ATG5: variants seen among roughly 807,000 people sequenced by gnomAD.
The protein encoded by ATG5 is autophagy protein 5.
ATG5 carries 14 observed loss-of-function variants against 36.5 expected under a neutral mutation model. The observed-to-expected ratio is 0.38, with a 90% CI of 0.25 to 0.60. The LOEUF (loss-of-function observed/expected upper bound fraction) is 0.60. ATG5 is among the 20% of genes least tolerant of loss of function. ATG5 has a pLI of 0.60. For missense variants in ATG5, 195 were observed against 326.7 expected (o/e 0.60, Z 3.11); for synonymous variants, 95 against 101.5 (o/e 0.94, Z 0.38).
At chr6:106,265,153 C>G (rs1311496232) in intron 5 of ATG5, among the ~76,000 whole-genome samples, 3 of 122,492 alleles carry the variant, frequency 2.4e-5, no homozygotes, top group African/African-American at 6.4e-5. Flanking sequence ...GAATATTTAC[C>G]AAGCAAATGG....
chr6:106,243,466 T>A (rs1778203971), intron 6 of ATG5, among the ~76,000 whole-genome samples: 1 of 150,824 alleles, frequency 6.6e-6, no homozygotes, highest in Admixed American at 6.6e-5. Context: ...AGGCAGAGGC[T>A]GTAGTGAGCT....
intron 6 of ATG5, among the ~76,000 whole-genome samples, chr6:106,205,006 G>A (rs962064470): frequency 6.6e-6 from 1 of 152,196 alleles, no homozygotes; most frequent in South Asian, 2.1e-4. Flanking sequence ...GAACTGTAGT[G>A]ATAATTTAAA....
At chr6:106,251,167 C>T (rs1778561047) in intron 5 of ATG5, among the ~76,000 whole-genome samples, 1 of 152,246 alleles carries the variant, frequency 6.6e-6, no homozygotes, top group South Asian at 2.1e-4. Flanking sequence ...CTGTGGTTTC[C>T]CACCCAGCTG....
chr6:106,316,705 C>G (rs182237624), intron 1 of ATG5, among the ~76,000 whole-genome samples: 10 of 152,288 alleles, frequency 6.6e-5, no homozygotes, highest in African/African-American at 2.2e-4. Flanking sequence ...GATAGTTTCT[C>G]CTCTCTTCCT....
At chr6:106,230,352 G>A (rs965764794) in intron 6 of ATG5, among the ~76,000 whole-genome samples, 32 of 152,174 alleles carry the variant, frequency 2.1e-4, no homozygotes, top group Non-Finnish European at 3.4e-4. Flanking sequence ...CAGCTGGGTT[G>A]TTATGAAATA....
rs1467958087 is a variant in ATG5 at position 106,184,578 on chromosome 6, C to G, written c.*1962G>C. ...ATGAATTTCTGGTTTTACTCTTCCT[C>G]TAGGGCATTGTAGGCTTGACTTACC... On this transcript the variant is annotated 3_prime_UTR_variant, in exon 8 of 8. Coordinates refer to ENST00000369076, the MANE Select transcript of ATG5 (RefSeq NM_004849.4). 2.6e-5 allele frequency: 4 copies of G among 152,246 alleles called. No homozygotes were observed. Among genetic ancestry groups the G allele is most frequent in the Non-Finnish European group, 2.9e-5 (2 of 68,004 alleles). 9.4% of individuals were successfully genotyped at this position (152,246 alleles called of 1,614,324 possible). A position where few individuals can be genotyped will look rare whatever the true frequency, so the allele number is the denominator to read the frequency against.
intron 1 of ATG5, among the ~76,000 whole-genome samples, chr6:106,323,708 CCTA>C (rs1189383558): frequency 6.6e-6 from 1 of 152,118 alleles, no homozygotes; most frequent in African/African-American, 2.4e-5. Context: ...CAGTCAATGG[CCTA>C]CTAACAACTC....
At chr6:106,297,761 CACACATAT>C (rs1770022434) in intron 3 of ATG5, among the ~76,000 whole-genome samples, 2 of 114,062 alleles carry the variant, frequency 1.8e-5, no homozygotes, top group African/African-American at 6.4e-5. Context: ...CACACACACA[CACACATAT>C]ATATTTTAAA....
At position 106,325,529 on chromosome 6, in the gene ATG5, A is replaced by C. The variant is rs1771259392; in HGVS notation, c.-62T>G. On this transcript the variant is annotated 5_prime_UTR_variant, in exon 1 of 8. Coordinates refer to ENST00000369076, the MANE Select transcript of ATG5 (RefSeq NM_004849.4). ...CAAGGTGGACACACACACGTACCCTACTCCAAGCTATGGCTCCTCCTTCCG... is the reference window on the plus strand; with the variant it reads ...CAAGGTGGACACACACACGTACCCTCCTCCAAGCTATGGCTCCTCCTTCCG... 1 of 152,264 alleles carries C rather than the reference A, an allele frequency of 6.6e-6. No homozygotes were observed. Among genetic ancestry groups the C allele is most frequent in the African/African-American group, 2.4e-5 (1 of 41,282 alleles). The allele number at this position is 152,264 out of a possible 1,614,324, so 9.4% of individuals were successfully genotyped here.
intron 7 of ATG5, chr6:106,201,727 C>A: frequency 4.2e-6 from 1 of 237,978 alleles, no homozygotes. Context: ...ACCAGAGTAC[C>A]AGAGATATAC....
intron 7 of ATG5, among the ~76,000 whole-genome samples, chr6:106,200,716 G>A (rs1420693362): frequency 3.9e-5 from 6 of 152,008 alleles, no homozygotes; most frequent in South Asian, 2.1e-4. Flanking sequence ...TCCTGACCTC[G>A]TGATCCACCC....
intron 4 of ATG5, among the ~76,000 whole-genome samples, chr6:106,290,218 T>A (rs899076611): frequency 2.0e-5 from 3 of 147,470 alleles, no homozygotes; most frequent in Admixed American, 6.8e-5. Flanking sequence ...ATTTTATTTA[T>A]TTTATATATT....
intron 4 of ATG5, among the ~76,000 whole-genome samples, chr6:106,292,716 C>A (rs1431343818): frequency 3.3e-5 from 5 of 152,152 alleles, no homozygotes; most frequent in Admixed American, 3.3e-4. Context: ...ATCCTGGGCT[C>A]ACCTCGGCCT....
chr6:106,269,696 C>T (rs142809758), intron 5 of ATG5, among the ~76,000 whole-genome samples: 3,750 of 152,318 alleles, frequency 0.025, 65 homozygotes, highest in African/African-American at 0.049. Context: ...CCGGCTGCTC[C>T]GAGTGCGGGG....
At chr6:106,190,923 G>A (rs1047685719) in intron 7 of ATG5, among the ~76,000 whole-genome samples, 3 of 152,132 alleles carry the variant, frequency 2.0e-5, no homozygotes, top group African/African-American at 7.2e-5. Context: ...AGGAGAGAGG[G>A]CCAATTATGC....
At chr6:106,261,431 A>G (rs145047681) in intron 5 of ATG5, among the ~76,000 whole-genome samples, 1 of 152,384 alleles carries the variant, frequency 6.6e-6, no homozygotes, top group East Asian at 1.9e-4. Flanking sequence ...ATAAGTCATT[A>G]TGACAACAGG....
chr6:106,222,913 G>T (rs370608907), intron 6 of ATG5, among the ~76,000 whole-genome samples: 1 of 152,116 alleles, frequency 6.6e-6, no homozygotes, highest in Admixed American at 6.5e-5. Flanking sequence ...CGCAATAAAT[G>T]TTAGCTGCTA....
chr6:106,208,254 C>A (rs11760170), intron 6 of ATG5, among the ~76,000 whole-genome samples: 8,259 of 151,738 alleles, frequency 0.054, 462 homozygotes, highest in African/African-American at 0.14. Flanking sequence ...ATATATACAT[C>A]TGTGTAAACA....
chr6:106,252,355 A>T (rs1412149477), intron 5 of ATG5, among the ~76,000 whole-genome samples: 1 of 152,218 alleles, frequency 6.6e-6, no homozygotes, highest in Non-Finnish European at 1.5e-5. Flanking sequence ...CAATTAAAAA[A>T]AAAAAAGATG....
Sources: allele counts gnomAD v4.1 joint callset (sites outside exome capture counted in the v4.1 genomes callset), GRCh38; gene constraint gnomAD v4.1.1; transcripts MANE v1.5; gene names NCBI Gene and HGNC (gene_info 2026-07-23, HGNC 2026-07-21).